The following KCNK15 variants were observed in gnomAD, a reference collection of about 807,000 sequenced individuals.
KCNK15 encodes the protein potassium two pore domain channel subfamily K member 15.
In KCNK15, 9 loss-of-function variants were observed where a neutral mutation model predicts 8.5. The ratio of observed to expected loss-of-function variants is 1.06; its 90% CI spans 0.64 to 1.85. The LOEUF (loss-of-function observed/expected upper bound fraction) is 1.85, where lower values mean the gene tolerates loss of function less well. KCNK15 is among the 40% of genes most tolerant of loss of function. The pLI is 0.00. For missense variants in KCNK15, 467 were observed against 476.8 expected (o/e 0.98, Z 0.19); for synonymous variants, 224 against 232.7 (o/e 0.96, Z 0.34).
chr20:44,749,566 A>G (rs560975132), intron 1 of KCNK15, among the ~76,000 whole-genome samples: 1 of 152,158 alleles, frequency 6.6e-6, no homozygotes, highest in East Asian at 1.9e-4. Context: ...ATCAAGGCAT[A>G]ATTTACATAC....
chr20:44,747,791 G>C (rs1002495097), intron 1 of KCNK15, among the ~76,000 whole-genome samples: 16 of 152,262 alleles, frequency 1.1e-4, no homozygotes, highest in Non-Finnish European at 2.4e-4. Flanking sequence ...GGATGGGAGA[G>C]AGGCACTGAA....
In KCNK15 at chr20:44,750,769, C is replaced by A; in HGVS notation, c.924C>A (p.Pro308=). The change falls in exon 2 of 2, where the codon CCC becomes CCA. Residue 308 remains proline, a synonymous_variant. Transcript: ENST00000372861. ...RCARDNLGFS[P]PSSPGVVRGG... is the part of the protein sequence containing the mutation. Reference sequence around the variant, plus strand: ...CCCGCGACAACCTGGGCTTTTCGCCCCCCTCGAGCCCGGGGGTCGTGCGTG... The same window carrying A: ...CCCGCGACAACCTGGGCTTTTCGCCACCCTCGAGCCCGGGGGTCGTGCGTG... 6.6e-7 allele frequency: 1 copy of A among 1,515,598 alleles called. No individual in the cohort carries two copies. Among genetic ancestry groups the A allele is most frequent in the Non-Finnish European group, 8.8e-7 (1 of 1,137,664 alleles). 93.9% of individuals were successfully genotyped at this position (1,515,598 alleles called of 1,614,324 possible).
Position 44,750,385 on chromosome 20 carries a change from C to G in KCNK15, c.540C>G (p.His180Gln). 4 of 1,613,884 alleles carry G rather than the reference C, an allele frequency of 2.5e-6. No individual in the cohort carries two copies. The highest frequency in any genetic ancestry group is 3.4e-6 in the Non-Finnish European group (4 of 1,179,882). ...TLALGAVAFS[H>Q]FEGWTFFHAY... ...CCCTCGGGGCCGTCGCCTTCTCGCA[C>G]TTCGAGGGCTGGACCTTCTTCCACG... is the stretch of plus-strand genomic sequence containing the variant. The change falls in exon 2 of 2, where the codon CAC becomes CAG. Residue 180 changes from histidine (H) to glutamine (Q), a missense_variant. Physicochemically the swap from His to Gln is conservative, Grantham distance 24. Coordinates refer to ENST00000372861, the MANE Select transcript of KCNK15 (RefSeq NM_022358.4).
intron 1 of KCNK15, 102 bp downstream of exon 1, chr20:44,746,295 T>A: frequency 9.1e-7 from 1 of 1,095,892 alleles, no homozygotes; most frequent in Non-Finnish European, 1.2e-6. Flanking sequence ...GCTGAGCTAC[T>A]TTGGACGGGT....
chr20:44,750,897 G>A lies in KCNK15; in HGVS notation c.*59G>A. On this transcript the variant is annotated 3_prime_UTR_variant, in exon 2 of 2. Coordinates refer to ENST00000372861, the MANE Select transcript of KCNK15 (RefSeq NM_022358.4). ...GGGAGGGTCTGGCTTCAGCTATCAG[G>A]GCACCCTCCCCAGGGATTGGAAACG... The A allele has an allele frequency of 1.2e-5, 14 of 1,174,518 alleles. No homozygotes were observed. The highest frequency in any genetic ancestry group is 1.6e-5 in the African/African-American group (1 of 61,574). 72.8% of individuals were successfully genotyped at this position (1,174,518 alleles called of 1,614,324 possible). A position where few individuals can be genotyped will look rare whatever the true frequency, so the allele number is the denominator to read the frequency against.
intron 1 of KCNK15, among the ~76,000 whole-genome samples, chr20:44,749,651 A>G (rs1214138778): frequency 6.6e-6 from 1 of 152,130 alleles, no homozygotes; most frequent in Non-Finnish European, 1.5e-5. Context: ...CACGGTCAAG[A>G]CGGAACATTG....
In KCNK15 at chr20:44,750,137, C is replaced by T; in HGVS notation, c.292C>T (p.His98Tyr). 12 of 1,605,496 alleles carry T rather than the reference C, an allele frequency of 7.5e-6. No individual in the cohort carries two copies. The highest frequency in any genetic ancestry group is 1.0e-5 in the Non-Finnish European group (12 of 1,178,348). Reference sequence around the variant, plus strand: ...CCGCTCTCCCTGCATAGAGTACGGCCACGCCGCGCCGGGTACGGACTCCGG... The same window carrying T: ...CCGCTCTCCCTGCATAGAGTACGGCTACGCCGCGCCGGGTACGGACTCCGG... Reference protein sequence around the residue: ...ITVITTIEYGHAAPGTDSGKV... With the variant: ...ITVITTIEYGYAAPGTDSGKV... The change falls in exon 2 of 2, where the codon CAC becomes TAC. Residue 98 changes from histidine (H) to tyrosine (Y), a missense_variant. Transcript: ENST00000372861.
At position 44,746,083 on chromosome 20, in the gene KCNK15, A is replaced by T; in HGVS notation, c.173A>T (p.Asp58Val). The change falls in exon 1 of 2, where the codon GAC (aspartate) becomes GTC (valine). Residue 58 changes from aspartate (D) to valine (V), a missense_variant. Physicochemically the swap from Asp to Val is radical, Grantham distance 152. Transcript: ENST00000372861. ...AGGAAGTTCGGCTTCTCGGCCGAGG[A>T]CTACCGCGAGCTGGAGCGCCTGGCG... is the stretch of plus-strand genomic sequence containing the variant. ...LRRKFGFSAE[D>V]YRELERLALQ... 6.5e-7 allele frequency: 1 copy of T among 1,545,798 alleles called. No individual in the cohort carries two copies. The highest frequency in any genetic ancestry group is 8.7e-7 in the Non-Finnish European group (1 of 1,144,172).
At chr20:44,748,803 A>G (rs4810438) in intron 1 of KCNK15, among the ~76,000 whole-genome samples, 12,741 of 152,156 alleles carry the variant, frequency 0.084, 618 homozygotes, top group East Asian at 0.19. Context: ...GCATTGCAAG[A>G]TGTTTAGCAG....
chr20:44,750,838 A>C lies in KCNK15; in HGVS notation c.993A>C (p.Ter331CysextTer63). The change falls in exon 2 of 2, where the codon TGA becomes TGC. Residue 331 changes from the stop codon to cysteine (C), a stop_lost. Transcript: ENST00000372861. ...PRLGARWKSI[*>C] Reference sequence around the variant, plus strand: ...TTGGGGCCCGGTGGAAGTCCATCTGACAACCCCACCCAGGCCAGGGTCGAA... The same window carrying C: ...TTGGGGCCCGGTGGAAGTCCATCTGCCAACCCCACCCAGGCCAGGGTCGAA... 6.9e-7 allele frequency: 1 copy of C among 1,447,420 alleles called. No homozygotes were observed. Among genetic ancestry groups the C allele is most frequent in the Admixed American group, 2.5e-5 (1 of 40,522 alleles). 89.7% of individuals were successfully genotyped at this position (1,447,420 alleles called of 1,614,324 possible). A position where few individuals can be genotyped will look rare whatever the true frequency, so the allele number is the denominator to read the frequency against.
At chr20:44,748,907 C>T (rs1229753684) in intron 1 of KCNK15, among the ~76,000 whole-genome samples, 1 of 152,168 alleles carries the variant, frequency 6.6e-6, no homozygotes, top group Non-Finnish European at 1.5e-5. Flanking sequence ...CCAGATGTTG[C>T]CAAGTGTCCC....
In KCNK15 at chr20:44,745,971, GT is replaced by G; in HGVS notation, c.62del (p.Val21GlyfsTer100). ...CCTGTGCACCCTGTGTTACCTGCTGGTGGGCGCTGCTGTCTTCGACGCGCTC... is the reference window on the plus strand; with the variant it reads ...CCTGTGCACCCTGTGTTACCTGCTGGGGGCGCTGCTGTCTTCGACGCGCTC... ...LVLCTLCYLL[V>X]GAAVFDALES... is the part of the protein sequence containing the mutation. On this transcript the variant is annotated frameshift_variant, in exon 1 of 2. Coordinates refer to ENST00000372861, the MANE Select transcript of KCNK15 (RefSeq NM_022358.4). LOFTEE classifies it high-confidence loss of function. 1 of 1,481,996 alleles carries G rather than the reference GT, an allele frequency of 6.7e-7. No homozygotes were observed. The allele number at this position is 1,481,996 out of a possible 1,614,324, so 91.8% of individuals were successfully genotyped here. A position where few individuals can be genotyped will look rare whatever the true frequency, so the allele number is the denominator to read the frequency against.
In KCNK15 at chr20:44,750,184, C is replaced by T. The variant is rs759510799; in HGVS notation, c.339C>T (p.Tyr113=). 5.0e-6 allele frequency: 8 copies of T among 1,612,760 alleles called. No homozygotes were observed. In the Admixed American group the frequency reaches 8.3e-5, roughly 17 times the overall value. The change falls in exon 2 of 2, where the codon TAC becomes TAT. Residue 113 remains tyrosine, a synonymous_variant. Transcript: ENST00000372861. ...TDSGKVFCMF[Y]ALLGIPLTLV... Reference sequence around the variant, plus strand: ...CCGGCAAGGTCTTCTGCATGTTCTACGCGCTCCTGGGCATCCCGCTGACGC... The same window carrying T: ...CCGGCAAGGTCTTCTGCATGTTCTATGCGCTCCTGGGCATCCCGCTGACGC...
chr20:44,750,826 G>C lies in KCNK15; in HGVS notation c.981G>C (p.Trp327Cys), dbSNP rs1040303400. ...AGGCTCCCAGGCTTGGGGCCCGGTG[G>C]AAGTCCATCTGACAACCCCACCCAG... ...GGQAPRLGAR[W>C]KSI The change falls in exon 2 of 2, where the codon TGG (tryptophan) becomes TGC (cysteine). Residue 327 changes from tryptophan to cysteine, a missense_variant. By Grantham distance (215) the Trp-to-Cys change is radical. This residue lies in a region of KCNK15 where 455 missense variants were observed against 441.2 expected (regional missense o/e 1.03). Transcript: ENST00000372861. 1 of 1,461,886 alleles carries C rather than the reference G, an allele frequency of 6.8e-7. No homozygotes were observed. Among genetic ancestry groups the C allele is most frequent in the African/African-American group, 1.5e-5 (1 of 68,938 alleles). 90.6% of individuals were successfully genotyped at this position (1,461,886 alleles called of 1,614,324 possible).
chr20:44,750,148 G>A lies in KCNK15; in HGVS notation c.303G>A (p.Pro101=), dbSNP rs1286989021. ...ITTIEYGHAA[P]GTDSGKVFCM... is the part of the protein sequence containing the mutation. ...GCATAGAGTACGGCCACGCCGCGCC[G>A]GGTACGGACTCCGGCAAGGTCTTCT... The change falls in exon 2 of 2, where the codon CCG becomes CCA. Residue 101 remains proline, a synonymous_variant. Coordinates refer to ENST00000372861, the MANE Select transcript of KCNK15 (RefSeq NM_022358.4). The A allele has an allele frequency of 6.8e-6, 11 of 1,610,284 alleles. No individual in the cohort carries two copies. The highest frequency in any genetic ancestry group is 9.3e-6 in the Non-Finnish European group (11 of 1,179,252).
rs370506555 is a variant in KCNK15 at position 44,745,900 on chromosome 20, G to T, written c.-11G>T. ...GGTTGGGACCGCGGCGGGTACCGGG[G>T]CCGGGGCGCCATGCGGAGGCCGAGC... On this transcript the variant is annotated 5_prime_UTR_variant, in exon 1 of 2. Coordinates refer to ENST00000372861, the MANE Select transcript of KCNK15 (RefSeq NM_022358.4). 1.9e-5 allele frequency: 25 copies of T among 1,296,660 alleles called. No homozygotes were observed. The highest frequency in any genetic ancestry group is 4.6e-5 in the African/African-American group (3 of 65,484). The allele number at this position is 1,296,660 out of a possible 1,614,324, so 80.3% of individuals were successfully genotyped here. A position where few individuals can be genotyped will look rare whatever the true frequency, so the allele number is the denominator to read the frequency against.
rs1000068025 is a variant in KCNK15, at chr20:44,752,084, T to C, written c.*1246T>C. 2.0e-5 allele frequency: 3 copies of C among 152,256 alleles called. No homozygotes were observed. The highest frequency in any genetic ancestry group is 7.2e-5 in the African/African-American group (3 of 41,446). The allele number at this position is 152,256 out of a possible 1,614,324, so 9.4% of individuals were successfully genotyped here. A position where few individuals can be genotyped will look rare whatever the true frequency, so the allele number is the denominator to read the frequency against. ...GCTCACAGCCCTGGGTTCGGCTCCATTCTGACCTCCCTGAAGCGCTGGGTT... is the reference window on the plus strand; with the variant it reads ...GCTCACAGCCCTGGGTTCGGCTCCACTCTGACCTCCCTGAAGCGCTGGGTT... On this transcript the variant is annotated 3_prime_UTR_variant, in exon 2 of 2. Coordinates refer to ENST00000372861, the MANE Select transcript of KCNK15 (RefSeq NM_022358.4).
chr20:44,750,376 C>G lies in KCNK15; in HGVS notation c.531C>G (p.Ala177=). The G allele has an allele frequency of 6.2e-7, 1 of 1,613,768 alleles. No individual in the cohort carries two copies. The highest frequency in any genetic ancestry group is 1.1e-5 in the South Asian group (1 of 91,084). The change falls in exon 2 of 2, where the codon GCC becomes GCG. Residue 177 remains alanine, a synonymous_variant. Transcript: ENST00000372861. The part of the protein sequence containing the change: ...CAATLALGAV[A]FSHFEGWTFF... ...CCACCCTGGCCCTCGGGGCCGTCGC[C>G]TTCTCGCACTTCGAGGGCTGGACCT...
chr20:44,750,026 C>T (rs1477294096), intron 1 of KCNK15, 103 bp from the exon 2 acceptor site: 6 of 1,079,642 alleles, frequency 5.6e-6, no homozygotes, highest in Non-Finnish European at 7.8e-6. Flanking sequence ...CCCTTCCAGC[C>T]CCGGGGACGG....
Sources: allele counts gnomAD v4.1 joint callset (sites outside exome capture counted in the v4.1 genomes callset), GRCh38; gene constraint gnomAD v4.1.1; regional missense constraint gnomAD v4.1.1; transcripts MANE v1.5; gene names NCBI Gene and HGNC (gene_info 2026-07-23, HGNC 2026-07-21).